The following CNTNAP2 variants were observed in gnomAD, a reference collection of about 807,000 sequenced individuals.
CNTNAP2 encodes the protein contactin associated protein 2, also known as contactin-associated protein-like 2.
Under a neutral mutation model 155.2 loss-of-function variants are expected in CNTNAP2, and 98 were observed. The ratio of observed to expected loss-of-function variants is 0.63; its 90% confidence interval spans 0.54 to 0.75. The LOEUF (loss-of-function observed/expected upper bound fraction) is 0.75, where lower values mean the gene tolerates loss of function less well. CNTNAP2 is among the 30% of genes least tolerant of loss of function. CNTNAP2 has a pLI of 0.00. For missense variants in CNTNAP2, 1,727 were observed against 1,688.1 expected, an observed-to-expected ratio of 1.02 and a Z score of -0.40; for synonymous variants, 651 against 631.2, an observed-to-expected ratio of 1.03 and a Z score of -0.47.
At position 148,400,324 on chromosome 7, in the gene CNTNAP2, A is replaced by G. The variant is rs78720294; in HGVS notation, c.3716-9067A>G. Among the ~76,000 whole-genome samples, 996 of 152,338 alleles carry G rather than the reference A, an allele frequency of 6.5e-3. 13 individuals carry two copies. The highest frequency in any genetic ancestry group is 0.022 in the African/African-American group (906 of 41,584). On this transcript the variant is annotated intron_variant, in intron 22 of 23. Coordinates refer to ENST00000361727, the MANE Select transcript of CNTNAP2 (RefSeq NM_014141.6). ...AGCAGGAGAAACAGCGTTTTCCTTC[A>G]GACCGGGGTTTAAATGGCACTTCCC...
intron 19 of CNTNAP2, among the ~76,000 whole-genome samples, chr7:148,228,733 C>T (rs1795903931): frequency 6.8e-6 from 1 of 147,334 alleles, no homozygotes; most frequent in Non-Finnish European, 1.5e-5. Flanking sequence ...GATGCTGAGA[C>T]AGGAGAATGG....
At chr7:147,200,927 G>T (rs1245316113) in intron 8 of CNTNAP2, among the ~76,000 whole-genome samples, 1 of 152,176 alleles carries the variant, frequency 6.6e-6, no homozygotes, top group Non-Finnish European at 1.5e-5. Flanking sequence ...TGGTTGAGAT[G>T]TGTATGTAAT....
chr7:146,705,100 TCAGA>T, intron 1 of CNTNAP2, among the ~76,000 whole-genome samples: 1 of 152,224 alleles, frequency 6.6e-6, no homozygotes, highest in East Asian at 1.9e-4. Flanking sequence ...TTTCAGATGC[TCAGA>T]CAAATATTTC....
At chr7:147,288,013 C>G (rs1336701504) in intron 8 of CNTNAP2, among the ~76,000 whole-genome samples, 2 of 152,006 alleles carry the variant, frequency 1.3e-5, no homozygotes, top group African/African-American at 4.8e-5. Flanking sequence ...CTCTTATTTC[C>G]TCAGTCCTTC....
At chr7:147,992,683 A>G (rs1002591759) in intron 15 of CNTNAP2, among the ~76,000 whole-genome samples, 1 of 152,232 alleles carries the variant, frequency 6.6e-6, no homozygotes, top group Non-Finnish European at 1.5e-5. Context: ...CCAACACTTA[A>G]TCAAGAATCT....
rs186058033 is a variant in CNTNAP2, at chr7:148,196,396, C to A, written c.3011-20892C>A. On this transcript the variant is annotated intron_variant, in intron 18 of 23. Transcript: ENST00000361727. ...TTCGCTGCAGCAGGATTCGGAGGAA[C>A]TGGGGGGATCTGGGTCCAGGAACTC... Among the ~76,000 whole-genome samples the A allele has an allele frequency of 2.5e-3, 377 of 152,162 alleles. 2 individuals are homozygous for A. Among genetic ancestry groups the A allele is most frequent in the Admixed American group, 3.3e-3 (51 of 15,274 alleles).
At chr7:147,735,241 C>T (rs7457986) in intron 13 of CNTNAP2, among the ~76,000 whole-genome samples, 49,799 of 152,004 alleles carry the variant, frequency 0.33, 9,107 homozygotes, top group African/African-American at 0.47. Flanking sequence ...TCATTGGTTT[C>T]AAAGAACATC....
chr7:146,777,548 A>C (rs1013046788), intron 2 of CNTNAP2, among the ~76,000 whole-genome samples: 1 of 152,004 alleles, frequency 6.6e-6, no homozygotes, highest in African/African-American at 2.4e-5. Flanking sequence ...AGTCATACAT[A>C]GTTGTTACAA....
In CNTNAP2 at chr7:147,114,366, G is replaced by C. The variant is rs1215332470; in HGVS notation, c.754+6016G>C. Among the ~76,000 whole-genome samples the C allele has an allele frequency of 5.9e-5, 9 of 152,142 alleles. No homozygotes were observed. In the South Asian group the frequency reaches 1.9e-3, roughly 32 times the overall value. ...CTGAGTTCAAGTCCTGGATGTCTTTGTTAATTTTCTGCCTCGATGATCTGT... is the reference window on the plus strand; with the variant it reads ...CTGAGTTCAAGTCCTGGATGTCTTTCTTAATTTTCTGCCTCGATGATCTGT... On this transcript the variant is annotated intron_variant, in intron 5 of 23. Coordinates refer to ENST00000361727, the MANE Select transcript of CNTNAP2 (RefSeq NM_014141.6).
chr7:148,303,314 A>G (rs1054536857), intron 21 of CNTNAP2, among the ~76,000 whole-genome samples: 18 of 152,224 alleles, frequency 1.2e-4, no homozygotes, highest in African/African-American at 4.1e-4. Context: ...GGGGTCATGC[A>G]GAGCTAAGCA....
At chr7:147,248,003 C>A (rs1284268538) in intron 8 of CNTNAP2, among the ~76,000 whole-genome samples, 1 of 152,130 alleles carries the variant, frequency 6.6e-6, no homozygotes, top group African/African-American at 2.4e-5. Flanking sequence ...TACAGTTTCT[C>A]TCCTTTCAAT....
chr7:147,920,305 G>A (rs1248541736), intron 14 of CNTNAP2, among the ~76,000 whole-genome samples: 2 of 144,042 alleles, frequency 1.4e-5, no homozygotes, highest in African/African-American at 2.6e-5. Context: ...GCAGTGAGCC[G>A]AGATGGCACC....
At chr7:147,273,445 A>G (rs1804807798) in intron 8 of CNTNAP2, among the ~76,000 whole-genome samples, 1 of 151,990 alleles carries the variant, frequency 6.6e-6, no homozygotes, top group African/African-American at 2.4e-5. Flanking sequence ...TTGGGCTACT[A>G]GGGCACCCAT....
intron 2 of CNTNAP2, among the ~76,000 whole-genome samples, chr7:146,824,991 A>C (rs1162200679): frequency 6.6e-6 from 1 of 151,950 alleles, no homozygotes; most frequent in Non-Finnish European, 1.5e-5. Context: ...TTACATGAAG[A>C]ATTGATATCT....
intron 13 of CNTNAP2, among the ~76,000 whole-genome samples, chr7:147,900,648 G>A (rs1038419231): frequency 9.2e-5 from 14 of 151,926 alleles, no homozygotes; most frequent in African/African-American, 2.7e-4. Flanking sequence ...ACAGAGTCTC[G>A]CTCTGTCTCC....
At chr7:148,328,982 A>G (rs1172207240) in intron 21 of CNTNAP2, among the ~76,000 whole-genome samples, 4 of 116,138 alleles carry the variant, frequency 3.4e-5, no homozygotes, top group African/African-American at 1.2e-4. Flanking sequence ...TCTGGAAAAA[A>G]AAAAAAAAAA....
intron 11 of CNTNAP2, among the ~76,000 whole-genome samples, chr7:147,518,060 T>C (rs2116701554): frequency 6.6e-6 from 1 of 152,296 alleles, no homozygotes; most frequent in African/African-American, 2.4e-5. Context: ...CCGTGTCTGT[T>C]TTGTTTAAGA....
At chr7:147,539,205 T>C (rs1332460172) in intron 11 of CNTNAP2, among the ~76,000 whole-genome samples, 2 of 152,260 alleles carry the variant, frequency 1.3e-5, no homozygotes, top group East Asian at 3.9e-4. Context: ...CTCTTTCATT[T>C]CCAGAGTAAT....
chr7:146,812,442 A>C (rs138339769), intron 2 of CNTNAP2, among the ~76,000 whole-genome samples: 1 of 141,804 alleles, frequency 7.1e-6, no homozygotes, highest in East Asian at 2.0e-4. Context: ...TATATATATA[A>C]AAAATATATA....
Sources: gnomAD v4.1 joint callset for allele counts (sites outside exome capture counted in the v4.1 genomes callset) on GRCh38, gnomAD v4.1.1 for gene constraint, MANE v1.5 for transcripts, NCBI Gene and HGNC (gene_info 2026-07-23, HGNC 2026-07-21) for gene names.